BICC1: variants seen among roughly 807,000 people sequenced by gnomAD.
BICC1 encodes BicC family RNA binding protein 1, also known as protein bicaudal C homolog 1.
BICC1 carries 43 observed loss-of-function variants against 111.0 expected under a neutral mutation model. That is an observed-to-expected ratio of 0.39 (90% CI 0.30 to 0.50). The LOEUF (loss-of-function observed/expected upper bound fraction) is 0.50, where lower values mean the gene tolerates loss of function less well. Among genes scored for constraint, BICC1 ranks in the 20% least tolerant of loss-of-function variants. The pLI, the probability that BICC1 is intolerant of heterozygous loss-of-function variation, is 0.88. For synonymous variants in BICC1, 467 were observed against 434.4 expected (o/e 1.07, Z -0.93); for missense variants, 1,091 against 1,203.2 (o/e 0.91, Z 1.38).
chr10:58,596,406 G>A (rs1283249352), intron 1 of BICC1, among the ~76,000 whole-genome samples: 4 of 152,106 alleles, frequency 2.6e-5, no homozygotes, highest in African/African-American at 7.2e-5. Flanking sequence ...CCCATGGAAT[G>A]TATCTCAAAA....
chr10:58,732,397 A>G (rs1261962820), intron 3 of BICC1, among the ~76,000 whole-genome samples: 2 of 1,098 alleles, frequency 1.8e-3, no homozygotes, highest in Admixed American at 0.017. Context: ...ATATATATAT[A>G]TATATATATA....
At chr10:58,796,308 C>T in intron 9 of BICC1, 32 bp from the exon 10 acceptor site, 1 of 1,594,888 alleles carries the variant, frequency 6.3e-7, no homozygotes, top group Non-Finnish European at 8.6e-7. Flanking sequence ...ACTTGCATGT[C>T]ACCTTTTTTC....
chr10:58,523,243 A>T (rs1044144434), intron 1 of BICC1, among the ~76,000 whole-genome samples: 2 of 152,102 alleles, frequency 1.3e-5, no homozygotes, highest in African/African-American at 4.8e-5. Flanking sequence ...CTGGCAGAGC[A>T]CAACAAAAAA....
chr10:58,697,752 A>G (rs1482667961), intron 2 of BICC1, among the ~76,000 whole-genome samples: 1 of 151,752 alleles, frequency 6.6e-6, no homozygotes, highest in Non-Finnish European at 1.5e-5. Context: ...GTCGGCCCCC[A>G]GATCCAGTAA....
chr10:58,658,792 T>C (rs1418090403), intron 2 of BICC1, among the ~76,000 whole-genome samples: 1 of 152,126 alleles, frequency 6.6e-6, no homozygotes, highest in East Asian at 1.9e-4. Flanking sequence ...TGGAGCATTT[T>C]CCTGGTTTCT....
chr10:58,559,506 A>G (rs1843546506), intron 1 of BICC1, among the ~76,000 whole-genome samples: 1 of 152,094 alleles, frequency 6.6e-6, no homozygotes, highest in Non-Finnish European at 1.5e-5. Context: ...TGGAGACTTT[A>G]GGTTTTTCTG....
In BICC1 at chr10:58,766,666, A is replaced by G. The variant is rs536570119; in HGVS notation, c.308-18335A>G. On this transcript the variant is annotated intron_variant, in intron 3 of 20. Transcript: ENST00000373886. Reference sequence around the variant, plus strand: ...TCTGAGAGTCTAGCAGAGAAGTTCCAGCTCACTGCTGGAGCAAAAAATTTA... The same window carrying G: ...TCTGAGAGTCTAGCAGAGAAGTTCCGGCTCACTGCTGGAGCAAAAAATTTA... Among the ~76,000 whole-genome samples, 5 of 152,234 alleles carry G rather than the reference A, an allele frequency of 3.3e-5. No individual in the cohort carries two copies. In the East Asian group the frequency reaches 9.7e-4, roughly 30 times the overall value.
chr10:58,605,974 C>T (rs949199538), intron 1 of BICC1, among the ~76,000 whole-genome samples: 13 of 152,120 alleles, frequency 8.5e-5, no homozygotes, highest in Non-Finnish European at 1.9e-4. Context: ...ATTTTTTATA[C>T]CTATCACAAA....
chr10:58,703,220 A>G (rs546429901), intron 3 of BICC1, among the ~76,000 whole-genome samples: 10 of 139,868 alleles, frequency 7.1e-5, no homozygotes, highest in Admixed American at 1.5e-4. Context: ...GCTGGAGTGC[A>G]GTGGCACGAT....
Position 58,702,094 on chromosome 10 carries a change from G to A in BICC1, c.258G>A (p.Thr86=), listed in dbSNP as rs574480961. ...FFQKIMEETN[T]QIAWPSKLKI... is the part of the protein sequence containing the mutation. Reference sequence around the variant, plus strand: ...TACAGATCATGGAGGAAACAAATACGCAGATTGCTTGGCCATCAAAACTGA... The same window carrying A: ...TACAGATCATGGAGGAAACAAATACACAGATTGCTTGGCCATCAAAACTGA... The change falls in exon 3 of 21, where the codon ACG becomes ACA. Residue 86 remains threonine, a synonymous_variant. Coordinates refer to ENST00000373886, the MANE Select transcript of BICC1 (RefSeq NM_001080512.3). The A allele has an allele frequency of 4.9e-5, 79 of 1,613,084 alleles. No individual in the cohort carries two copies. In the Middle Eastern group the frequency reaches 5.1e-3, roughly 105 times the overall value.
intron 1 of BICC1, among the ~76,000 whole-genome samples, chr10:58,613,810 A>G (rs1459430670): frequency 1.3e-5 from 2 of 152,212 alleles, no homozygotes; most frequent in African/African-American, 2.4e-5. Flanking sequence ...CTCACCAGTT[A>G]GGTTGCTTTG....
intron 2 of BICC1, among the ~76,000 whole-genome samples, chr10:58,676,738 C>T (rs577068601): frequency 1.6e-4 from 25 of 152,308 alleles, no homozygotes; most frequent in African/African-American, 2.2e-4. Flanking sequence ...CTGACCCCCC[C>T]GTGCCTCCTG....
At chr10:58,706,279 C>A (rs1840384916) in intron 3 of BICC1, among the ~76,000 whole-genome samples, 1 of 152,154 alleles carries the variant, frequency 6.6e-6, no homozygotes, top group Non-Finnish European at 1.5e-5. Flanking sequence ...CATTAAAGTA[C>A]AAATTGCATT....
At chr10:58,683,740 G>C (rs1219710297) in intron 2 of BICC1, among the ~76,000 whole-genome samples, 1 of 152,198 alleles carries the variant, frequency 6.6e-6, no homozygotes, top group East Asian at 1.9e-4. Context: ...CCTGAGATTT[G>C]CTGAAGTTGC....
chr10:58,788,903 T>G (rs557493658), intron 6 of BICC1, among the ~76,000 whole-genome samples: 1 of 152,212 alleles, frequency 6.6e-6, no homozygotes, highest in Admixed American at 6.5e-5. Context: ...CTGGACAACA[T>G]AGCAAGACCC....
intron 1 of BICC1, among the ~76,000 whole-genome samples, chr10:58,584,079 C>T (rs879316612): frequency 1.1e-3 from 168 of 151,882 alleles, no homozygotes; most frequent in Middle Eastern, 6.8e-3. Flanking sequence ...CACACACACA[C>T]ACACACACAC....
chr10:58,621,903 TTAGAATAGAA>T (rs60609267), intron 2 of BICC1, among the ~76,000 whole-genome samples: 1,574 of 44,772 alleles, frequency 0.035, 238 homozygotes, highest in African/African-American at 0.086. Context: ...GTCTCTAAAA[TTAGAATAGAA>T]TAGAATAGAA....
chr10:58,522,006 G>T (rs1232379293), intron 1 of BICC1, among the ~76,000 whole-genome samples: 1 of 151,664 alleles, frequency 6.6e-6, no homozygotes, highest in East Asian at 1.9e-4. Context: ...TTCTTTCTTT[G>T]ATTTCCTTTA....
intron 17 of BICC1, among the ~76,000 whole-genome samples, chr10:58,813,047 G>T (rs1843961124): frequency 6.6e-6 from 1 of 152,102 alleles, no homozygotes; most frequent in African/African-American, 2.4e-5. Flanking sequence ...AGGGCATAGT[G>T]AGCTGTCTTT....
Sources: allele counts gnomAD v4.1 joint callset (sites outside exome capture counted in the v4.1 genomes callset), GRCh38; gene constraint gnomAD v4.1.1; transcripts MANE v1.5; gene names NCBI Gene and HGNC (gene_info 2026-07-23, HGNC 2026-07-21).